APBA1: variants seen among roughly 807,000 people sequenced by gnomAD.
APBA1 encodes the protein amyloid-beta A4 precursor protein-binding family A member 1.
A neutral mutation model predicts 86.6 loss-of-function variants in APBA1; 55 were observed. That is an observed-to-expected ratio of 0.64 (90% CI 0.51 to 0.80). APBA1 has a LOEUF of 0.80. APBA1 is among the 30% of genes least tolerant of loss of function. The probability of loss-of-function intolerance (pLI) is 0.00; values close to 1 mark genes in which losing one functional copy is unlikely to be tolerated. For synonymous variants in APBA1, 511 were observed against 493.9 expected (o/e 1.03, Z -0.46); for missense variants, 1,090 against 1,183.0 (o/e 0.92, Z 1.15).
intron 1 of APBA1, among the ~76,000 whole-genome samples, chr9:69,658,316 TTCTTTCTTTCTTTC>T (rs1823675512): frequency 1.2e-5 from 1 of 82,918 alleles, no homozygotes; most frequent in African/African-American, 4.2e-5. Context: ...CTTTCTTTCT[TTCTTTCTTTCTTTC>T]TTTCTTTCTT....
intron 1 of APBA1, among the ~76,000 whole-genome samples, chr9:69,540,640 C>T (rs529362960): frequency 6.6e-6 from 1 of 152,312 alleles, no homozygotes; most frequent in Admixed American, 6.5e-5. Flanking sequence ...CGCTCTGTCA[C>T]TCAGGCTGGA....
chr9:69,609,787 G>C (rs1449440741), intron 1 of APBA1, among the ~76,000 whole-genome samples: 1 of 151,920 alleles, frequency 6.6e-6, no homozygotes, highest in Non-Finnish European at 1.5e-5. Flanking sequence ...CTTCCCTTTG[G>C]TGAGTTTGTT....
intron 1 of APBA1, among the ~76,000 whole-genome samples, chr9:69,534,421 T>C: frequency 6.6e-6 from 1 of 152,194 alleles, no homozygotes; most frequent in East Asian, 1.9e-4. Flanking sequence ...GTTTGCTTTT[T>C]CCATGTTCTC....
In APBA1 at chr9:69,456,949, G is replaced by T. The variant is rs1296315897; in HGVS notation, c.1602+104C>A. The T allele has an allele frequency of 6.7e-5, 65 of 964,846 alleles. No homozygotes were observed. In the East Asian group the frequency reaches 1.5e-3, roughly 23 times the overall value. 59.8% of individuals were successfully genotyped at this position (964,846 alleles called of 1,614,324 possible). On this transcript the variant is annotated intron_variant, in intron 7 of 12. Coordinates refer to ENST00000265381, the MANE Select transcript of APBA1 (RefSeq NM_001163.4). Reference sequence around the variant, plus strand: ...CTAGCTCACTGGGGCCCAGAATCTAGGGACAGCTGCTCTACAGACACATGC... The same window carrying T: ...CTAGCTCACTGGGGCCCAGAATCTATGGACAGCTGCTCTACAGACACATGC...
intron 1 of APBA1, among the ~76,000 whole-genome samples, chr9:69,618,713 G>A (rs1222478086): frequency 6.6e-6 from 1 of 152,244 alleles, no homozygotes; most frequent in Admixed American, 6.5e-5. Flanking sequence ...CAGCCTGAGA[G>A]TGAATTCACT....
chr9:69,614,373 G>A (rs1207806174), intron 1 of APBA1, among the ~76,000 whole-genome samples: 1 of 152,122 alleles, frequency 6.6e-6, no homozygotes, highest in East Asian at 1.9e-4. Context: ...TAAATTGTAT[G>A]AGAAACATTG....
chr9:69,587,504 C>T (rs1177627643), intron 1 of APBA1, among the ~76,000 whole-genome samples: 1 of 152,146 alleles, frequency 6.6e-6, no homozygotes, highest in East Asian at 1.9e-4. Flanking sequence ...GATGTGTTTG[C>T]CACACTGTTT....
intron 1 of APBA1, among the ~76,000 whole-genome samples, chr9:69,665,108 A>G (rs549363961): frequency 6.6e-6 from 1 of 152,278 alleles, no homozygotes; most frequent in African/African-American, 2.4e-5. Flanking sequence ...TGCTCAGGCT[A>G]ATCTTAGCAG....
At position 69,457,081 on chromosome 9, in the gene APBA1, C is replaced by T. The variant is rs767745301; in HGVS notation, c.1574G>A (p.Arg525Lys). 6.2e-7 allele frequency: 1 copy of T among 1,614,204 alleles called. No homozygotes were observed. The highest frequency in any genetic ancestry group is 2.2e-5 in the East Asian group (1 of 44,890). The change falls in exon 7 of 13, where the codon AGA becomes AAA. Residue 525 changes from arginine (R) to lysine (K), a missense_variant. Physicochemically the swap from Arg to Lys is conservative, Grantham distance 26. Transcript: ENST00000265381. ...TGTGTCGGCGTTCAGCACTTTGATT[C>T]TCTGGGTAGAAATGAAGAGATCCAC... Reference protein sequence around the residue: ...TEVDLFISTQRIKVLNADTQE... With the variant: ...TEVDLFISTQKIKVLNADTQE...
intron 2 of APBA1, among the ~76,000 whole-genome samples, chr9:69,485,467 G>A (rs759337131): frequency 6.6e-6 from 1 of 152,076 alleles, no homozygotes; most frequent in Non-Finnish European, 1.5e-5. Flanking sequence ...TAATTTGGAG[G>A]CAAAATTTAG....
intron 1 of APBA1, among the ~76,000 whole-genome samples, chr9:69,642,462 A>C (rs1823306398): frequency 6.6e-6 from 1 of 152,204 alleles, no homozygotes; most frequent in Non-Finnish European, 1.5e-5. Context: ...CCAAGTGTTG[A>C]CAAGGATGCA....
At chr9:69,519,853 T>C (rs1209390063) in intron 1 of APBA1, among the ~76,000 whole-genome samples, 1 of 152,238 alleles carries the variant, frequency 6.6e-6, no homozygotes, top group Non-Finnish European at 1.5e-5. Flanking sequence ...TGCCCTCTTA[T>C]AACCCATGTA....
chr9:69,517,138 C>A lies in APBA1; in HGVS notation c.73G>T (p.Val25Leu). 2 of 1,567,738 alleles carry A rather than the reference C, an allele frequency of 1.3e-6. No homozygotes were observed. Among genetic ancestry groups the A allele is most frequent in the Non-Finnish European group, 8.6e-7 (1 of 1,158,164 alleles). The change falls in exon 2 of 13, where the codon GTG (valine) becomes TTG (leucine). Residue 25 changes from valine to leucine, a missense_variant. Val to Leu is a conservative substitution (Grantham distance 32). This residue lies in a region of APBA1 where 678 missense variants were observed against 647.1 expected (regional missense o/e 1.05). Transcript: ENST00000265381. Reference sequence around the variant, plus strand: ...TCGGGGTGCTCCAGGTCGGCCTCCACCGACTCGTTCACCTCCCCACCTGCC... The same window carrying A: ...TCGGGGTGCTCCAGGTCGGCCTCCAACGACTCGTTCACCTCCCCACCTGCC... ...EAAGGEVNES[V>L]EADLEHPEVE...
At chr9:69,637,078 G>T (rs930116501) in intron 1 of APBA1, among the ~76,000 whole-genome samples, 1 of 152,130 alleles carries the variant, frequency 6.6e-6, no homozygotes, top group Non-Finnish European at 1.5e-5. Flanking sequence ...AGCAGGGATG[G>T]CACTGGAGGT....
At chr9:69,532,257 T>C (rs1588345432) in intron 1 of APBA1, among the ~76,000 whole-genome samples, 1 of 152,200 alleles carries the variant, frequency 6.6e-6, no homozygotes. Flanking sequence ...AAATAAACTG[T>C]ATATGTATAC....
At chr9:69,523,497 GTATATATATATATATATA>G (rs869242999) in intron 1 of APBA1, among the ~76,000 whole-genome samples, 2 of 30,884 alleles carry the variant, frequency 6.5e-5, no homozygotes, top group Admixed American at 5.0e-4. Flanking sequence ...ATATATATAT[GTATATATATATATATATA>G]TATATATATA....
At chr9:69,523,432 T>C (rs934012180) in intron 1 of APBA1, among the ~76,000 whole-genome samples, 7 of 143,536 alleles carry the variant, frequency 4.9e-5, no homozygotes, top group African/African-American at 1.8e-4. Flanking sequence ...AAGGGTTCAA[T>C]TCAACAAGAA....
chr9:69,568,000 A>G (rs1195795538), intron 1 of APBA1, among the ~76,000 whole-genome samples: 1 of 152,242 alleles, frequency 6.6e-6, no homozygotes, highest in Non-Finnish European at 1.5e-5. Flanking sequence ...CACCACTCCC[A>G]AAAAGTAGAG....
intron 1 of APBA1, among the ~76,000 whole-genome samples, chr9:69,616,420 T>C (rs1355183427): frequency 6.6e-6 from 1 of 152,182 alleles, no homozygotes; most frequent in Non-Finnish European, 1.5e-5. Flanking sequence ...TGCAATACCT[T>C]TAAGCCTAGG....
Sources: gnomAD v4.1 joint callset for allele counts (sites outside exome capture counted in the v4.1 genomes callset) on GRCh38, gnomAD v4.1.1 for gene constraint, gnomAD v4.1.1 regional missense constraint, MANE v1.5 for transcripts, NCBI Gene and HGNC (gene_info 2026-07-23, HGNC 2026-07-21) for gene names.